Variants in ST6GALNAC3 observed in about 807,000 individuals in gnomAD.
ST6GALNAC3 encodes the protein alpha-N-acetylgalactosaminide alpha-2,6-sialyltransferase 3.
In ST6GALNAC3, 25 loss-of-function variants were observed where a neutral mutation model predicts 32.7. The observed-to-expected ratio is 0.76, with a 90% CI of 0.56 to 1.07. The LOEUF is 1.07. Ranked by LOEUF, ST6GALNAC3 falls within the 50% of genes least tolerant of loss-of-function variation. The pLI is 0.00. For missense variants in ST6GALNAC3, 355 were observed against 382.4 expected (o/e 0.93, Z 0.60); for synonymous variants, 129 against 133.1 (o/e 0.97, Z 0.21).
chr1:76,112,756 G>A (rs1238554658), intron 1 of ST6GALNAC3, among the ~76,000 whole-genome samples: 1 of 151,220 alleles, frequency 6.6e-6, no homozygotes, highest in Non-Finnish European at 1.5e-5. Context: ...CAGGGCAGAG[G>A]CGCTCCCCAC....
intron 3 of ST6GALNAC3, among the ~76,000 whole-genome samples, chr1:76,480,037 G>A (rs1400369287): frequency 6.6e-6 from 1 of 152,154 alleles, no homozygotes; most frequent in Non-Finnish European, 1.5e-5. Flanking sequence ...AGAATTGACA[G>A]CTCCCACGTC....
chr1:76,211,576 C>T (rs547323986), intron 1 of ST6GALNAC3, among the ~76,000 whole-genome samples: 2 of 150,468 alleles, frequency 1.3e-5, no homozygotes, highest in East Asian at 4.0e-4. Flanking sequence ...GAAACTGTGG[C>T]ACATATACAC....
intron 1 of ST6GALNAC3, among the ~76,000 whole-genome samples, chr1:76,299,359 T>C (rs989034855): frequency 2.6e-5 from 4 of 152,064 alleles, no homozygotes; most frequent in African/African-American, 9.7e-5. Flanking sequence ...GCTTCTGGCT[T>C]GGCTGCTTTT....
chr1:76,517,861 C>T (rs1662268196), intron 3 of ST6GALNAC3, among the ~76,000 whole-genome samples: 2 of 151,810 alleles, frequency 1.3e-5, no homozygotes. Context: ...TTTGTTTTTG[C>T]AGGAAGGAGG....
intron 3 of ST6GALNAC3, among the ~76,000 whole-genome samples, chr1:76,475,764 A>G (rs1169062562): frequency 6.6e-6 from 1 of 152,144 alleles, no homozygotes; most frequent in Non-Finnish European, 1.5e-5. Flanking sequence ...GACCTGCCAC[A>G]TAGGCATACA....
Position 76,577,387 on chromosome 1 carries a change from TCGCTCTTGTGAAAA to T in ST6GALNAC3, c.624-50062_624-50049del, listed in dbSNP as rs374922939. On this transcript the variant is annotated intron_variant, in intron 3 of 4. Coordinates refer to ENST00000328299, the MANE Select transcript of ST6GALNAC3 (RefSeq NM_152996.4). ...TAGCCTCTTAATCTTTTAGTGGAAATCGCTCTTGTGAAAACGAGCCCTGATAGTATCTTGGCTCA... is the reference window on the plus strand; with the variant it reads ...TAGCCTCTTAATCTTTTAGTGGAAATCGAGCCCTGATAGTATCTTGGCTCA... 2.7e-4 allele frequency: 261 copies of T among 949,988 alleles called. No homozygotes were observed. The Middle Eastern group carries it at 8.6e-3, about 31-fold the overall frequency. The allele number at this position is 949,988 out of a possible 1,614,324, so 58.8% of individuals were successfully genotyped here.
rs60960904 is a variant in ST6GALNAC3 at position 76,608,597 on chromosome 1, ATGTGTGTGTG to A, written c.624-18815_624-18806del. Among the ~76,000 whole-genome samples the A allele has an allele frequency of 7.1e-3, 966 of 135,252 alleles. 13 individuals carry two copies. Among genetic ancestry groups the A allele is most frequent in the African/African-American group, 0.024 (888 of 36,956 alleles). 88.7% of individuals were successfully genotyped at this position (135,252 alleles called of 152,430 possible). A position where few individuals can be genotyped will look rare whatever the true frequency, so the allele number is the denominator to read the frequency against. ...GAAGATCAAAAGCCCTGAGCTGGAA[ATGTGTGTGTG>A]TGTGTGTGTGTGTGTGTGTGTGTGT... On this transcript the variant is annotated intron_variant, in intron 3 of 4. Coordinates refer to ENST00000328299, the MANE Select transcript of ST6GALNAC3 (RefSeq NM_152996.4).
At chr1:76,289,785 C>A (rs1398179243) in intron 1 of ST6GALNAC3, among the ~76,000 whole-genome samples, 5 of 152,212 alleles carry the variant, frequency 3.3e-5, no homozygotes, top group Admixed American at 2.0e-4. Flanking sequence ...TAGGCTCCGC[C>A]TTAAGGCCAT....
chr1:76,427,300 A>G (rs184510444), intron 3 of ST6GALNAC3, among the ~76,000 whole-genome samples: 182 of 152,150 alleles, frequency 1.2e-3, no homozygotes, highest in African/African-American at 4.0e-3. Flanking sequence ...TGAATTGAGC[A>G]CCAGGTTGAG....
At chr1:76,608,584 C>T (rs1337170632) in intron 3 of ST6GALNAC3, among the ~76,000 whole-genome samples, 1 of 147,316 alleles carries the variant, frequency 6.8e-6, no homozygotes, top group African/African-American at 2.5e-5. Context: ...AGATCAAAAG[C>T]CCTGAGCTGG....
chr1:76,174,384 C>T (rs547367708), intron 1 of ST6GALNAC3, among the ~76,000 whole-genome samples: 72 of 149,688 alleles, frequency 4.8e-4, no homozygotes, highest in African/African-American at 1.5e-3. Context: ...CTATGGCACA[C>T]GTATACCTAG....
chr1:76,477,249 C>A (rs1397891248), intron 3 of ST6GALNAC3, among the ~76,000 whole-genome samples: 1 of 151,392 alleles, frequency 6.6e-6, no homozygotes, highest in Non-Finnish European at 1.5e-5. Flanking sequence ...TGGTGAATAC[C>A]ATATTATGTG....
chr1:76,092,815 T>C (rs1369833273), intron 1 of ST6GALNAC3, among the ~76,000 whole-genome samples: 1 of 152,122 alleles, frequency 6.6e-6, no homozygotes, highest in East Asian at 1.9e-4. Flanking sequence ...AGAGTTGAGG[T>C]TCAAACCCAG....
chr1:76,549,649 T>C (rs1664505921), intron 3 of ST6GALNAC3, among the ~76,000 whole-genome samples: 1 of 152,180 alleles, frequency 6.6e-6, no homozygotes, highest in Non-Finnish European at 1.5e-5. Context: ...ACAATTAACA[T>C]TCTTTTACAT....
At chr1:76,257,864 G>A (rs1401938494) in intron 1 of ST6GALNAC3, among the ~76,000 whole-genome samples, 2 of 152,076 alleles carry the variant, frequency 1.3e-5, no homozygotes, top group Non-Finnish European at 2.9e-5. Context: ...TACACCCTTA[G>A]TTGCTTTTTC....
At chr1:76,302,732 A>G (rs1362354629) in intron 1 of ST6GALNAC3, among the ~76,000 whole-genome samples, 1 of 152,140 alleles carries the variant, frequency 6.6e-6, no homozygotes, top group East Asian at 1.9e-4. Flanking sequence ...AAGAAAACGT[A>G]TGCTGTGTGC....
At chr1:76,591,268 AC>A (rs1159889552) in intron 3 of ST6GALNAC3, among the ~76,000 whole-genome samples, 1 of 151,908 alleles carries the variant, frequency 6.6e-6, no homozygotes, top group Non-Finnish European at 1.5e-5. Context: ...TGGCATATAT[AC>A]CCAGGTTTCC....
intron 3 of ST6GALNAC3, among the ~76,000 whole-genome samples, chr1:76,555,457 A>G (rs1331247354): frequency 6.6e-6 from 1 of 152,120 alleles, no homozygotes; most frequent in Non-Finnish European, 1.5e-5. Context: ...GGTGATTCCA[A>G]TGAGTGCATG....
chr1:76,565,151 C>G (rs34878969), intron 3 of ST6GALNAC3, among the ~76,000 whole-genome samples: 20,672 of 152,042 alleles, frequency 0.14, 2,674 homozygotes, highest in African/African-American at 0.34. Flanking sequence ...TTGCTGGGCT[C>G]CCATTGGGTC....
Sources: allele counts gnomAD v4.1 joint callset (sites outside exome capture counted in the v4.1 genomes callset), GRCh38; gene constraint gnomAD v4.1.1; transcripts MANE v1.5; gene names NCBI Gene and HGNC (gene_info 2026-07-23, HGNC 2026-07-21).